ITPR1: variants seen among roughly 807,000 people sequenced by gnomAD.
ITPR1 encodes inositol 1,4,5-trisphosphate-gated calcium channel ITPR1.
ITPR1 carries 96 observed loss-of-function variants against 318.4 expected under a neutral mutation model. The observed-to-expected ratio is 0.30, with a 90% confidence interval of 0.26 to 0.36. ITPR1 has a LOEUF of 0.36. Ranked by LOEUF, ITPR1 falls within the 10% of genes least tolerant of loss-of-function variation. The pLI is 1.00. For synonymous variants in ITPR1, 1,312 were observed against 1,289.9 expected (o/e 1.02, Z -0.37); for missense variants, 2,440 against 3,460.2 (o/e 0.71, Z 7.40).
rs1442009792 is a variant in ITPR1 at position 4,827,265 on chromosome 3, C to A, written c.8028+9023C>A. 2.6e-5 allele frequency among the ~76,000 whole-genome samples: 4 copies of A among 152,282 alleles called. No individual in the cohort carries two copies. The East Asian group carries it at 7.7e-4, about 29-fold the overall frequency. On this transcript the variant is annotated intron_variant, in intron 60 of 61. Transcript: ENST00000649015. ...GACGTCCTAACTACATTTGTAACTC[C>A]CCTGCTTCAACTCCTTCATTTCCTG...
rs150738532 is a variant in ITPR1, at chr3:4,778,942, G to A, written c.6292-608G>A. On this transcript the variant is annotated intron_variant, in intron 48 of 61. Coordinates refer to ENST00000649015, the MANE Select transcript of ITPR1 (RefSeq NM_001378452.1). ...GAAGTCAAGCCAGGAAGTACAGGAT[G>A]TGGGGTGTGAACATGGGTGTTTTTA... 1.6e-3 allele frequency among the ~76,000 whole-genome samples: 238 copies of A among 152,378 alleles called. 1 individual carries two copies. The highest frequency in any genetic ancestry group is 6.8e-3 in the Middle Eastern group (2 of 294).
chr3:4,787,976 G>C lies in ITPR1; in HGVS notation c.6645G>C (p.Gln2215His), dbSNP rs1420919892. Residue 2215 changes from glutamine to histidine, a missense_variant, in exon 52 of 62, where the codon CAG becomes CAC. By Grantham distance (24) the Gln-to-His change is conservative (BLOSUM62 0). This residue lies in a region of ITPR1 where 115 missense variants were observed against 204.5 expected (regional missense o/e 0.56). Transcript: ENST00000649015. The part of the protein sequence containing the change: ...EIVRLDRTME[Q>H]IVFPVPSICE... The stretch of plus-strand genomic sequence containing the variant: ...TCAGATTAGACCGAACAATGGAACA[G>C]ATAGTCTTTCCCGTGCCCAGCATAT... 6.2e-7 allele frequency: 1 copy of C among 1,612,520 alleles called. No individual in the cohort carries two copies. The highest frequency in any genetic ancestry group is 8.5e-7 in the Non-Finnish European group (1 of 1,179,088).
At chr3:4,504,563 G>A (rs2081268317) in intron 2 of ITPR1, among the ~76,000 whole-genome samples, 1 of 152,202 alleles carries the variant, frequency 6.6e-6, no homozygotes, top group Non-Finnish European at 1.5e-5. Context: ...GATCTGATTA[G>A]CAGCTAATGG....
chr3:4,541,259 T>G (rs1435196312), intron 4 of ITPR1, among the ~76,000 whole-genome samples: 1 of 152,232 alleles, frequency 6.6e-6, no homozygotes, highest in Non-Finnish European at 1.5e-5. Context: ...TTCTTAGAAT[T>G]TGGAGAATCT....
At chr3:4,698,476 T>C (rs1306157131) in intron 34 of ITPR1, among the ~76,000 whole-genome samples, 1 of 152,184 alleles carries the variant, frequency 6.6e-6, no homozygotes, top group African/African-American at 2.4e-5. Flanking sequence ...TTTAAATCAG[T>C]GCTCTGTGAA....
chr3:4,694,650 A>G (rs2094530155), intron 33 of ITPR1, among the ~76,000 whole-genome samples: 1 of 152,186 alleles, frequency 6.6e-6, no homozygotes, highest in African/African-American at 2.4e-5. Flanking sequence ...ACAACATGTG[A>G]CTGTCTCAGT....
At position 4,813,202 on chromosome 3, in the gene ITPR1, G is replaced by T. The variant is rs753143019; in HGVS notation, c.7529G>T (p.Gly2510Val). 7 of 1,613,518 alleles carry T rather than the reference G, an allele frequency of 4.3e-6. No individual in the cohort carries two copies. The highest frequency in any genetic ancestry group is 5.9e-6 in the Non-Finnish European group (7 of 1,179,574). Residue 2510 changes from glycine to valine, a missense_variant, in exon 57 of 62, where the codon GGG becomes GTG. Physicochemically the swap from Gly to Val is moderately radical, Grantham distance 109. Transcript: ENST00000649015. Reference protein sequence around the residue: ...LFSDVCRVESGENCSSPAPRE... With the variant: ...LFSDVCRVESVENCSSPAPRE... ...TCCGATGTGTGTAGGGTGGAGAGTG[G>T]GGAGAACTGCTCCTCTCCTGCACCC...
At chr3:4,679,016 G>T (rs577486245) in intron 24 of ITPR1, among the ~76,000 whole-genome samples, 1 of 152,186 alleles carries the variant, frequency 6.6e-6, no homozygotes, top group Non-Finnish European at 1.5e-5. Flanking sequence ...GGCTGATTTG[G>T]TGAATTTGGT....
chr3:4,605,124 A>T (rs1194269020), intron 4 of ITPR1, among the ~76,000 whole-genome samples: 1 of 152,102 alleles, frequency 6.6e-6, no homozygotes, highest in Non-Finnish European at 1.5e-5. Context: ...GGCACACGCC[A>T]CCATGCCTAG....
intron 55 of ITPR1, among the ~76,000 whole-genome samples, chr3:4,809,265 A>G (rs2048783839): frequency 6.6e-6 from 1 of 152,252 alleles, no homozygotes; most frequent in Non-Finnish European, 1.5e-5. Flanking sequence ...CCGAAAAGGA[A>G]TAACTAGACG....
chr3:4,560,547 A>G (rs1321988200), intron 4 of ITPR1, among the ~76,000 whole-genome samples: 1 of 152,218 alleles, frequency 6.6e-6, no homozygotes, highest in Non-Finnish European at 1.5e-5. Flanking sequence ...ATCCAGAAGC[A>G]TAAGAGGCGA....
intron 51 of ITPR1, among the ~76,000 whole-genome samples, chr3:4,786,918 G>T (rs2047231886): frequency 6.6e-6 from 1 of 152,140 alleles, no homozygotes; most frequent in African/African-American, 2.4e-5. Context: ...TTCCCATCTA[G>T]GAAAAATAAC....
chr3:4,763,738 T>C (rs2045616367), intron 44 of ITPR1, among the ~76,000 whole-genome samples: 1 of 152,254 alleles, frequency 6.6e-6, no homozygotes, highest in Non-Finnish European at 1.5e-5. Context: ...AATGTGGCGT[T>C]CTCAGCGCCT....
chr3:4,537,551 G>A (rs952332287), intron 4 of ITPR1, among the ~76,000 whole-genome samples: 7 of 152,198 alleles, frequency 4.6e-5, no homozygotes, highest in African/African-American at 1.7e-4. Flanking sequence ...GATTAATTAA[G>A]GCTCTTGAGA....
At chr3:4,595,361 C>T (rs1391405497) in intron 4 of ITPR1, among the ~76,000 whole-genome samples, 3 of 152,254 alleles carry the variant, frequency 2.0e-5, no homozygotes, top group Admixed American at 6.5e-5. Context: ...TGAGGTGCCA[C>T]ACACTTTTAA....
chr3:4,772,943 C>T (rs1018439853), intron 46 of ITPR1, among the ~76,000 whole-genome samples: 1 of 152,218 alleles, frequency 6.6e-6, no homozygotes, highest in African/African-American at 2.4e-5. Context: ...CCCAGCTAGC[C>T]TTGAGGACTT....
At chr3:4,603,723 T>G (rs1476381445) in intron 4 of ITPR1, among the ~76,000 whole-genome samples, 1 of 152,210 alleles carries the variant, frequency 6.6e-6, no homozygotes, top group Non-Finnish European at 1.5e-5. Flanking sequence ...GTACCACATT[T>G]TCTTTCACCA....
chr3:4,838,221 A>C (rs2051073579), intron 61 of ITPR1, among the ~76,000 whole-genome samples: 1 of 152,210 alleles, frequency 6.6e-6, no homozygotes, highest in Non-Finnish European at 1.5e-5. Context: ...AGAAGGCCTT[A>C]TTTATGAAGG....
At chr3:4,566,594 G>A (rs984821660) in intron 4 of ITPR1, among the ~76,000 whole-genome samples, 9 of 117,664 alleles carry the variant, frequency 7.6e-5, no homozygotes, top group Admixed American at 9.1e-5. Flanking sequence ...AAGCCTGAAT[G>A]GGGACACATG....
Sources: allele counts gnomAD v4.1 joint callset (sites outside exome capture counted in the v4.1 genomes callset), GRCh38; gene constraint gnomAD v4.1.1; regional missense constraint gnomAD v4.1.1; transcripts MANE v1.5; gene names NCBI Gene and HGNC (gene_info 2026-07-23, HGNC 2026-07-21).